The following PUM2 variants were observed in gnomAD, a reference collection of about 807,000 sequenced individuals.
PUM2 encodes the protein pumilio RNA binding family member 2, also known as pumilio homolog 2.
Under a neutral mutation model 124.5 loss-of-function variants are expected in PUM2, and 57 were observed. The ratio of observed to expected loss-of-function variants is 0.46; its 90% CI spans 0.37 to 0.57. PUM2 has a LOEUF of 0.57. PUM2 is among the 20% of genes least tolerant of loss of function. The probability of loss-of-function intolerance (pLI) is 0.00; values close to 1 mark genes in which losing one functional copy is unlikely to be tolerated. For missense variants in PUM2, 1,065 were observed against 1,290.6 expected (o/e 0.83, Z 2.68); for synonymous variants, 460 against 446.1 (o/e 1.03, Z -0.39).
chr2:20,284,613 C>A (rs72787410), intron 10 of PUM2, among the ~76,000 whole-genome samples: 15 of 152,320 alleles, frequency 9.8e-5, no homozygotes, highest in Admixed American at 2.6e-4. Context: ...GCCTCAGCCT[C>A]CCAACTGTGT....
chr2:20,265,853 T>C (rs1667520700), intron 13 of PUM2, among the ~76,000 whole-genome samples: 2 of 132,790 alleles, frequency 1.5e-5, no homozygotes, highest in South Asian at 4.9e-4. Flanking sequence ...CTATTTCTTA[T>C]CATTACCTCA....
At chr2:20,282,541 T>C (rs1002768628) in intron 12 of PUM2, among the ~76,000 whole-genome samples, 12 of 152,126 alleles carry the variant, frequency 7.9e-5, no homozygotes, top group Non-Finnish European at 1.5e-4. Context: ...AACCATCTAA[T>C]AAGGACACAA....
rs190961382 is a variant in PUM2, at chr2:20,346,896, A to C, written c.-19+3701T>G. Among the ~76,000 whole-genome samples the C allele has an allele frequency of 2.0e-5, 3 of 152,298 alleles. No homozygotes were observed. In the East Asian group the frequency reaches 5.8e-4, roughly 29 times the overall value. ...TGTGGTCCCAACATATTTAGCTCCA[A>C]ATAGGTGATGACTACCTTTTTTTTC... On this transcript the variant is annotated intron_variant, in intron 1 of 20. Transcript: ENST00000361078.
At chr2:20,262,097 A>G (rs1369805637) in intron 14 of PUM2, among the ~76,000 whole-genome samples, 1 of 152,182 alleles carries the variant, frequency 6.6e-6, no homozygotes, top group Non-Finnish European at 1.5e-5. Context: ...CCTGTCTCAA[A>G]GTGGGGAGAA....
chr2:20,336,814 G>T (rs1686227673), intron 1 of PUM2, among the ~76,000 whole-genome samples: 1 of 144,896 alleles, frequency 6.9e-6, no homozygotes, highest in Non-Finnish European at 1.5e-5. Context: ...TACAGACGGG[G>T]TCTCACCATG....
At chr2:20,262,630 C>T (rs1410947071) in intron 14 of PUM2, among the ~76,000 whole-genome samples, 1 of 152,168 alleles carries the variant, frequency 6.6e-6, no homozygotes, top group African/African-American at 2.4e-5. Context: ...TGAGGTTTAC[C>T]TTAAAGCTAT....
At chr2:20,303,202 G>GGCTTCTACTGCATCAGGCAGTGAGT (rs544249409) in intron 7 of PUM2, among the ~76,000 whole-genome samples, 5,209 of 152,092 alleles carry the variant, frequency 0.034, 90 homozygotes, top group Middle Eastern at 0.068. Flanking sequence ...CCATAGCATT[G>GGCTTCTACTGCATCAGGCAGTGAGT]GCTTCTACTG....
intron 14 of PUM2, among the ~76,000 whole-genome samples, chr2:20,261,046 C>A (rs564919869): frequency 3.3e-5 from 5 of 151,998 alleles, no homozygotes; most frequent in African/African-American, 7.3e-5. Context: ...TAGTGCAATA[C>A]GTTACTCAGG....
chr2:20,333,643 T>C (rs929548062), intron 1 of PUM2, among the ~76,000 whole-genome samples: 1 of 152,184 alleles, frequency 6.6e-6, no homozygotes, highest in African/African-American at 2.4e-5. Context: ...CTAGGCATGA[T>C]GGTTCACGCC....
At position 20,338,195 on chromosome 2, in the gene PUM2, G is replaced by A. The variant is rs186659775; in HGVS notation, c.-18-10817C>T. Among the ~76,000 whole-genome samples, 53 of 152,166 alleles carry A rather than the reference G, an allele frequency of 3.5e-4. No homozygotes were observed. In the East Asian group the frequency reaches 7.9e-3, roughly 23 times the overall value. On this transcript the variant is annotated intron_variant, in intron 1 of 20. Coordinates refer to ENST00000361078, the MANE Select transcript of PUM2 (RefSeq NM_015317.5). ...GTGGATCACCTGAGCTCAGGAATTC[G>A]AGACCAGCCTGGCCAACATGGTAAA... is the stretch of plus-strand genomic sequence containing the variant.
upstream of PUM2, among the ~76,000 whole-genome samples, chr2:20,351,131 C>G (rs1689299998): frequency 6.6e-6 from 1 of 152,202 alleles, no homozygotes; most frequent in Admixed American, 6.5e-5. Flanking sequence ...CTGTGTTCGA[C>G]TGTCTTCCCG....
At chr2:20,270,891 A>C (rs984841068) in intron 13 of PUM2, among the ~76,000 whole-genome samples, 1 of 152,226 alleles carries the variant, frequency 6.6e-6, no homozygotes, top group Non-Finnish European at 1.5e-5. Flanking sequence ...CCTAGAAACA[A>C]TTCCATTATA....
chr2:20,292,041 T>G (rs940605695), intron 9 of PUM2, among the ~76,000 whole-genome samples: 1 of 150,462 alleles, frequency 6.6e-6, no homozygotes, highest in African/African-American at 2.5e-5. Context: ...GCCTGGTACA[T>G]CTGGTATGCA....
intron 14 of PUM2, among the ~76,000 whole-genome samples, chr2:20,261,576 G>A (rs930170027): frequency 6.6e-6 from 1 of 151,092 alleles, no homozygotes; most frequent in South Asian, 2.1e-4. Context: ...ATTTCAGAAG[G>A]TATTCCAGAA....
At position 20,263,325 on chromosome 2, in the gene PUM2, T is replaced by G. The variant is rs1348874818; in HGVS notation, c.2093A>C (p.Asn698Thr). Residue 698 changes from asparagine to threonine, a missense_variant, in exon 14 of 21, where the codon AAT (asparagine) becomes ACT (threonine). Transcript: ENST00000361078. ...QLFPPSRLRY[N>T]RSDIMPSGRS... Reference sequence around the variant, plus strand: ...GCCAGAAGGCATAATATCAGACCTATTATACCGAAGCCGGGAAGGAGGAAA... The same window carrying G: ...GCCAGAAGGCATAATATCAGACCTAGTATACCGAAGCCGGGAAGGAGGAAA... 1 of 1,614,052 alleles carries G rather than the reference T, an allele frequency of 6.2e-7. No homozygotes were observed. The highest frequency in any genetic ancestry group is 1.3e-5 in the African/African-American group (1 of 74,920).
At chr2:20,319,530 T>C (rs1277626633) in intron 2 of PUM2, among the ~76,000 whole-genome samples, 1 of 152,238 alleles carries the variant, frequency 6.6e-6, no homozygotes, top group Non-Finnish European at 1.5e-5. Flanking sequence ...TACCTATATG[T>C]TTACCTCTTA....
At chr2:20,315,538 G>C (rs1483314845) in intron 3 of PUM2, among the ~76,000 whole-genome samples, 1 of 152,094 alleles carries the variant, frequency 6.6e-6, no homozygotes, top group Non-Finnish European at 1.5e-5. Context: ...AAAATGTTAT[G>C]AGAGTTGGGA....
At chr2:20,266,286 T>C (rs150562771) in intron 13 of PUM2, among the ~76,000 whole-genome samples, 3 of 151,910 alleles carry the variant, frequency 2.0e-5, no homozygotes, top group African/African-American at 7.2e-5. Flanking sequence ...CTACAAAAAA[T>C]ACAAAAATTA....
At position 20,263,338 on chromosome 2, in the gene PUM2, G is replaced by C; in HGVS notation, c.2080C>G (p.Arg694Gly). 1 of 1,614,144 alleles carries C rather than the reference G, an allele frequency of 6.2e-7. No homozygotes were observed. ...SSSSQLFPPS[R>G]LRYNRSDIMP... ...ATATCAGACCTATTATACCGAAGCC[G>C]GGAAGGAGGAAAGAGCTGGCTGCTG... Residue 694 changes from arginine (R) to glycine (G), a missense_variant, in exon 14 of 21, where the codon CGG becomes GGG. Transcript: ENST00000361078.
Sources: gnomAD v4.1 joint callset for allele counts (sites outside exome capture counted in the v4.1 genomes callset) on GRCh38, gnomAD v4.1.1 for gene constraint, MANE v1.5 for transcripts, NCBI Gene and HGNC (gene_info 2026-07-23, HGNC 2026-07-21) for gene names.